POU3F3: variants seen among roughly 807,000 people sequenced by gnomAD.
POU3F3 encodes the protein POU domain, class 3, transcription factor 3.
Under a neutral mutation model 8.6 loss-of-function variants are expected in POU3F3, and 1 was observed. The ratio of observed to expected loss-of-function variants is 0.12; its 90% CI spans 0.04 to 0.55. The LOEUF (loss-of-function observed/expected upper bound fraction) is 0.55. Among genes scored for constraint, POU3F3 ranks in the 20% least tolerant of loss-of-function variants. The probability of loss-of-function intolerance (pLI) is 0.91; values close to 1 mark genes in which losing one functional copy is unlikely to be tolerated. For synonymous variants in POU3F3, 418 were observed against 327.4 expected, an observed-to-expected ratio of 1.28 and a Z score of -2.99; for missense variants, 577 against 690.7, an observed-to-expected ratio of 0.84 and a Z score of 1.84.
At chr2:104,885,193 G>A in the POU3F3 span, among the ~76,000 whole-genome samples, 1 of 152,214 alleles carries the variant, frequency 6.6e-6, no homozygotes, top group East Asian at 1.9e-4. Flanking sequence ...TCTCAGCTGT[G>A]CAATCAATCC....
chr2:104,862,304 ACAGT>A (rs986760618), downstream of POU3F3, among the ~76,000 whole-genome samples: 5 of 152,190 alleles, frequency 3.3e-5, no homozygotes, highest in African/African-American at 1.2e-4. Context: ...GAAGAGGGCA[ACAGT>A]CATTCTCTTG....
downstream of POU3F3, among the ~76,000 whole-genome samples, chr2:104,861,347 A>C (rs1676652959): frequency 6.6e-6 from 1 of 152,224 alleles, no homozygotes; most frequent in Admixed American, 6.5e-5. Flanking sequence ...TTGGCACTGG[A>C]TGCAGACTTG....
chr2:104,907,054 A>G, the POU3F3 span, among the ~76,000 whole-genome samples: 2 of 152,284 alleles, frequency 1.3e-5, no homozygotes, highest in Middle Eastern at 6.8e-3. Flanking sequence ...TTGCACGCGA[A>G]AAAAGACCCA....
chr2:104,924,709 A>T, the POU3F3 span, among the ~76,000 whole-genome samples: 1 of 152,084 alleles, frequency 6.6e-6, no homozygotes, highest in Non-Finnish European at 1.5e-5. Flanking sequence ...TGATCTATTC[A>T]TCCTCTCTTT....
chr2:104,856,196 C>T lies in POU3F3; in HGVS notation c.686C>T (p.Thr229Met). ...SLLYSQPGGF[T>M]VNGMLSAPPG... is the part of the protein sequence containing the mutation. ...CTCTACTCGCAGCCCGGAGGCTTCA[C>T]GGTGAACGGCATGCTGAGCGCGCCA... The change falls in exon 1 of 1, where the codon ACG becomes ATG. Residue 229 changes from threonine to methionine, a missense_variant. Thr to Met is a moderately conservative substitution (Grantham distance 81, BLOSUM62 -1). This residue lies in a region of POU3F3 where 484 missense variants were observed against 422.6 expected (regional missense o/e 1.15). Transcript: ENST00000361360. The T allele has an allele frequency of 3.2e-6, 4 of 1,264,678 alleles. No homozygotes were observed. The highest frequency in any genetic ancestry group is 4.0e-6 in the Non-Finnish European group (4 of 1,012,398). The allele number at this position is 1,264,678 out of a possible 1,614,324, so 78.3% of individuals were successfully genotyped here.
the POU3F3 span, among the ~76,000 whole-genome samples, chr2:104,912,326 G>C: frequency 6.6e-6 from 1 of 152,214 alleles, no homozygotes; most frequent in South Asian, 2.1e-4. Context: ...ATCACTCACC[G>C]GCATCATTGG....
the POU3F3 span, among the ~76,000 whole-genome samples, chr2:104,912,642 T>G: frequency 6.6e-6 from 1 of 152,226 alleles, no homozygotes; most frequent in African/African-American, 2.4e-5. Flanking sequence ...TATTTCTATG[T>G]AAGGGTGCTC....
At chr2:104,902,156 C>T in the POU3F3 span, among the ~76,000 whole-genome samples, 1 of 152,150 alleles carries the variant, frequency 6.6e-6, no homozygotes, top group Non-Finnish European at 1.5e-5. Context: ...CTCCCTATTA[C>T]CTGCAACCTT....
chr2:104,910,065 T>G, the POU3F3 span, among the ~76,000 whole-genome samples: 1 of 152,226 alleles, frequency 6.6e-6, no homozygotes, highest in Non-Finnish European at 1.5e-5. Context: ...TTTTTGTTAT[T>G]GTATAGATGG....
the POU3F3 span, among the ~76,000 whole-genome samples, chr2:104,886,504 A>G: frequency 1.3e-5 from 2 of 152,172 alleles, no homozygotes; most frequent in Admixed American, 6.5e-5. Context: ...AGAAAATCAC[A>G]TAACTGTTAC....
the POU3F3 span, among the ~76,000 whole-genome samples, chr2:104,878,941 GCAACACACAAATA>G: frequency 7.9e-5 from 12 of 151,494 alleles, no homozygotes; most frequent in East Asian, 1.9e-3. Flanking sequence ...GCACACAAAT[GCAACACACAAATA>G]CAACACATAG....
At chr2:104,868,077 T>C in the POU3F3 span, 1 of 349,636 alleles carries the variant, frequency 2.9e-6, no homozygotes, top group Non-Finnish European at 5.6e-6. Flanking sequence ...ACTGGAAGAG[T>C]TGAAATCAAC....
the POU3F3 span, among the ~76,000 whole-genome samples, chr2:104,896,583 C>T: frequency 1.8e-4 from 28 of 152,368 alleles, no homozygotes; most frequent in Admixed American, 3.3e-4. Context: ...CCACAAGTAG[C>T]ACATGAGGCA....
the POU3F3 span, chr2:104,868,303 T>C: frequency 8.8e-6 from 4 of 456,552 alleles, no homozygotes; most frequent in African/African-American, 8.0e-5. Flanking sequence ...AGTTCAGGGC[T>C]AGGAGCAGGT....
chr2:104,878,985 C>A, the POU3F3 span, among the ~76,000 whole-genome samples: 1 of 151,944 alleles, frequency 6.6e-6, no homozygotes, highest in African/African-American at 2.4e-5. Flanking sequence ...CAACACGGCA[C>A]ACACAACACA....
chr2:104,885,406 A>G, the POU3F3 span, among the ~76,000 whole-genome samples: 1 of 152,346 alleles, frequency 6.6e-6, no homozygotes, highest in South Asian at 2.1e-4. Flanking sequence ...ACGATGAAAT[A>G]GGAGATCAGC....
At chr2:104,885,836 C>T in the POU3F3 span, among the ~76,000 whole-genome samples, 1 of 151,978 alleles carries the variant, frequency 6.6e-6, no homozygotes, top group Non-Finnish European at 1.5e-5. Flanking sequence ...TCGCTGTTGT[C>T]CCCCAGGCTG....
At chr2:104,889,566 G>A in the POU3F3 span, among the ~76,000 whole-genome samples, 1 of 152,156 alleles carries the variant, frequency 6.6e-6, no homozygotes, top group South Asian at 2.1e-4. Flanking sequence ...GAGGAACTGA[G>A]TAACTCAGCC....
the POU3F3 span, among the ~76,000 whole-genome samples, chr2:104,865,017 T>C: frequency 6.6e-6 from 1 of 152,198 alleles, no homozygotes; most frequent in Non-Finnish European, 1.5e-5. Context: ...CAAAATTGTA[T>C]CTGTAAAATA....
Sources: allele counts gnomAD v4.1 joint callset (sites outside exome capture counted in the v4.1 genomes callset), GRCh38; gene constraint gnomAD v4.1.1; regional missense constraint gnomAD v4.1.1; transcripts MANE v1.5; gene names NCBI Gene and HGNC (gene_info 2026-07-23, HGNC 2026-07-21).